ZFYVE16: variants seen among roughly 807,000 people sequenced by gnomAD.
ZFYVE16 encodes the protein zinc finger FYVE domain-containing protein 16.
In ZFYVE16, 89 loss-of-function variants were observed where a neutral mutation model predicts 138.1. The ratio of observed to expected loss-of-function variants is 0.64; its 90% confidence interval spans 0.54 to 0.77. ZFYVE16 has a LOEUF of 0.77. Ranked by LOEUF, ZFYVE16 falls within the 30% of genes least tolerant of loss-of-function variation. ZFYVE16 has a pLI of 0.00. For synonymous variants in ZFYVE16, 596 were observed against 618.3 expected, an observed-to-expected ratio of 0.96 and a Z score of 0.53; for missense variants, 1,793 against 1,786.7, an observed-to-expected ratio of 1.00 and a Z score of -0.06.
In ZFYVE16 at chr5:80,481,147, C is replaced by G. The variant is rs1755254928; in HGVS notation, c.*3770C>G. 6.6e-6 allele frequency among the ~76,000 whole-genome samples: 1 copy of G among 152,094 alleles called. No individual in the cohort carries two copies. The highest frequency in any genetic ancestry group is 2.4e-5 in the African/African-American group (1 of 41,422). On this transcript the variant is annotated 3_prime_UTR_variant, in exon 19 of 19. Transcript: ENST00000505560. ...AATGACTTGGAACCTTCTGGACTTT[C>G]CTTGCTCTACATCAATCCCGCAGCA...
At position 80,456,752 on chromosome 5, in the gene ZFYVE16, C is replaced by G. The variant is rs193179790; in HGVS notation, c.3795+187C>G. ...TTGATCATATTTCTTTTTTTTCGTA[C>G]TGTTTTATTGAGGTGATTACTGTTC... On this transcript the variant is annotated intron_variant, in intron 13 of 18. Coordinates refer to ENST00000505560, the MANE Select transcript of ZFYVE16 (RefSeq NM_001284236.3). Among the ~76,000 whole-genome samples the G allele has an allele frequency of 1.6e-3, 242 of 151,844 alleles. No individual in the cohort carries two copies. Among genetic ancestry groups the G allele is most frequent in the Middle Eastern group, 6.8e-3 (2 of 292 alleles).
chr5:80,477,226 T>C lies in ZFYVE16; in HGVS notation c.4469T>C (p.Phe1490Ser), dbSNP rs1755005912. The change falls in exon 19 of 19, where the codon TTT (phenylalanine) becomes TCT (serine). Residue 1490 changes from phenylalanine (F) to serine (S), a missense_variant. Physicochemically the swap from Phe to Ser is radical, Grantham distance 155. Coordinates refer to ENST00000505560, the MANE Select transcript of ZFYVE16 (RefSeq NM_001284236.3). ...RVSIDTDMVE[F>S]QAGSEGQLLP... ...AATTTTTTTTTTTTCTAGGTTGAAT[T>C]TCAGGCAGGATCTGAAGGCCAACTT... 1 of 1,589,488 alleles carries C rather than the reference T, an allele frequency of 6.3e-7. No individual in the cohort carries two copies. The highest frequency in any genetic ancestry group is 8.5e-7 in the Non-Finnish European group (1 of 1,174,050).
chr5:80,450,027 G>A (rs1050803032), intron 9 of ZFYVE16, among the ~76,000 whole-genome samples: 2 of 152,042 alleles, frequency 1.3e-5, no homozygotes, highest in African/African-American at 4.8e-5. Context: ...TTGAAATTTG[G>A]TAACTGAAAT....
At chr5:80,460,267 C>T (rs999869444) in intron 15 of ZFYVE16, among the ~76,000 whole-genome samples, 9 of 152,152 alleles carry the variant, frequency 5.9e-5, no homozygotes, top group Non-Finnish European at 8.8e-5. Flanking sequence ...ATTGGACATG[C>T]ATGTTGCCTC....
In ZFYVE16 at chr5:80,443,265, T is replaced by C; in HGVS notation, c.2562T>C (p.Leu854=). 1 of 1,608,822 alleles carries C rather than the reference T, an allele frequency of 6.2e-7. No homozygotes were observed. The highest frequency in any genetic ancestry group is 8.5e-7 in the Non-Finnish European group (1 of 1,178,836). The change falls in exon 6 of 19, where the codon CTT becomes CTC. Residue 854 remains leucine (L), a synonymous_variant. Transcript: ENST00000505560. ...PSPATLPVSA[L]KQPGVEGLCS... Reference sequence around the variant, plus strand: ...CAGCAACTTTGCCAGTCTCAGCACTTAAACAACCAGGTGTTGAAGGTAATA... The same window carrying C: ...CAGCAACTTTGCCAGTCTCAGCACTCAAACAACCAGGTGTTGAAGGTAATA...
At position 80,450,580 on chromosome 5, in the gene ZFYVE16, C is replaced by T; in HGVS notation, c.3376C>T (p.Leu1126=). ...ATTTATCACCATATATAAGGATGCT[C>T]TAAAAGGTATGGCATTTTATTTTGA... ...RLFITIYKDA[L]KGKYIENLDN... is the part of the protein sequence containing the mutation. Residue 1126 remains leucine, a synonymous_variant, in exon 10 of 19, where the codon CTA becomes TTA. Transcript: ENST00000505560. 1 of 1,612,812 alleles carries T rather than the reference C, an allele frequency of 6.2e-7. No individual in the cohort carries two copies. The highest frequency in any genetic ancestry group is 8.5e-7 in the Non-Finnish European group (1 of 1,179,474).
chr5:80,443,911 G>A (rs1039257256), intron 6 of ZFYVE16: 7 of 452,944 alleles, frequency 1.5e-5, no homozygotes, highest in Admixed American at 1.4e-4. Flanking sequence ...TTGGGTTTGA[G>A]AGGCAATAGG....
intron 15 of ZFYVE16, among the ~76,000 whole-genome samples, chr5:80,470,092 TGTGTGTGTA>T (rs1561332858): frequency 1.8e-4 from 11 of 61,518 alleles, no homozygotes; most frequent in Admixed American, 4.9e-4. Flanking sequence ...TGTGTGTGTG[TGTGTGTGTA>T]TTTTTTTTTT....
chr5:80,419,913 G>A (rs1229438916), intron 1 of ZFYVE16, among the ~76,000 whole-genome samples: 1 of 151,704 alleles, frequency 6.6e-6, no homozygotes, highest in Non-Finnish European at 1.5e-5. Flanking sequence ...CCGGGTTCAA[G>A]CGATTCTCCT....
intron 17 of ZFYVE16, among the ~76,000 whole-genome samples, chr5:80,474,205 C>T (rs1256793198): frequency 6.6e-6 from 1 of 152,056 alleles, no homozygotes; most frequent in African/African-American, 2.4e-5. Flanking sequence ...ATGAAAGTTA[C>T]TTTTTCATGT....
At chr5:80,410,688 A>C (rs1745294198) in intron 1 of ZFYVE16, among the ~76,000 whole-genome samples, 1 of 150,944 alleles carries the variant, frequency 6.6e-6, no homozygotes, top group South Asian at 2.1e-4. Flanking sequence ...CTCCTGCCTC[A>C]GCCTCCTGAG....
At chr5:80,426,529 T>A (rs1215912833) in intron 1 of ZFYVE16, among the ~76,000 whole-genome samples, 1 of 151,874 alleles carries the variant, frequency 6.6e-6, no homozygotes, top group Admixed American at 6.6e-5. Flanking sequence ...TCCCACTTAT[T>A]TTAAGTGAGA....
chr5:80,474,864 G>T (rs200521577), intron 18 of ZFYVE16, 34 bp downstream of exon 18: 23 of 1,576,898 alleles, frequency 1.5e-5, no homozygotes, highest in Non-Finnish European at 1.9e-5. Flanking sequence ...TTTTTGAAAT[G>T]AATGTATTGC....
Position 80,472,796 on chromosome 5 carries a change from A to G in ZFYVE16, c.4060A>G (p.Asn1354Asp), listed in dbSNP as rs1270718379. Reference protein sequence around the residue: ...LMVQITPETMNGLRLALREQK... With the variant: ...LMVQITPETMDGLRLALREQK... ...GGTACAAATAACTCCAGAGACCATG[A>G]ATGGCTTGCGGCTAGCTTTACGAGA... is the stretch of plus-strand genomic sequence containing the variant. The change falls in exon 16 of 19, where the codon AAT becomes GAT. Residue 1354 changes from asparagine to aspartate, a missense_variant. Coordinates refer to ENST00000505560, the MANE Select transcript of ZFYVE16 (RefSeq NM_001284236.3). 1.2e-6 allele frequency: 2 copies of G among 1,613,908 alleles called. No individual in the cohort carries two copies. The highest frequency in any genetic ancestry group is 1.7e-6 in the Non-Finnish European group (2 of 1,179,986).
chr5:80,430,006 C>A (rs1342721583), intron 2 of ZFYVE16, among the ~76,000 whole-genome samples: 2 of 152,134 alleles, frequency 1.3e-5, no homozygotes, highest in Admixed American at 6.5e-5. Flanking sequence ...TTTAACACCC[C>A]ACTGTCAACA....
chr5:80,423,078 G>A (rs1472966507), intron 1 of ZFYVE16, among the ~76,000 whole-genome samples: 3 of 152,090 alleles, frequency 2.0e-5, no homozygotes. Flanking sequence ...CTTTTTTCTG[G>A]AAGAGATTAT....
chr5:80,475,978 C>CT (rs1754870054), intron 18 of ZFYVE16, among the ~76,000 whole-genome samples: 1 of 152,158 alleles, frequency 6.6e-6, no homozygotes, highest in Admixed American at 6.6e-5. Flanking sequence ...CAGTCTCACT[C>CT]TGCCACCCAG....
intron 1 of ZFYVE16, chr5:80,410,176 C>T (rs1167591532): frequency 6.6e-6 from 1 of 152,052 alleles, no homozygotes; most frequent in Non-Finnish European, 1.5e-5. Flanking sequence ...TTTAAGAGAG[C>T]TTTAACACAT....
At chr5:80,454,587 A>T (rs1321936025) in intron 11 of ZFYVE16, 9 of 151,968 alleles carry the variant, frequency 5.9e-5, no homozygotes. Context: ...GCTCACTGCA[A>T]GCTTCGCCTC....
Sources: gnomAD v4.1 joint callset for allele counts (sites outside exome capture counted in the v4.1 genomes callset) on GRCh38, gnomAD v4.1.1 for gene constraint, MANE v1.5 for transcripts, NCBI Gene and HGNC (gene_info 2026-07-23, HGNC 2026-07-21) for gene names.